Variants in ELN observed in about 807,000 individuals in gnomAD.
ELN encodes the protein elastin.
ELN carries 65 observed loss-of-function variants against 105.8 expected under a neutral mutation model. That is an observed-to-expected ratio of 0.61 (90% CI 0.50 to 0.75). ELN has a LOEUF of 0.75. ELN is among the 30% of genes least tolerant of loss of function. The pLI is 0.00. For synonymous variants in ELN, 368 were observed against 389.2 expected (o/e 0.95, Z 0.64); for missense variants, 882 against 969.4 (o/e 0.91, Z 1.20).
chr7:74,056,215 C>G, intron 19 of ELN, 56 bp from the exon 20 acceptor site: 1 of 1,609,466 alleles, frequency 6.2e-7, no homozygotes, highest in Non-Finnish European at 8.5e-7. Flanking sequence ...TCCCTCAGAG[C>G]CCGCCCAGCC....
chr7:74,054,827 T>A, intron 19 of ELN, 58 bp downstream of exon 19: 2 of 1,590,254 alleles, frequency 1.3e-6, no homozygotes, highest in African/African-American at 2.7e-5. Context: ...TTGCCAGAAC[T>A]AAAGGACCCT....
Position 74,054,783 on chromosome 7 carries a change from T to C in ELN, c.1150+14T>C. ...CAGCCAAATACGGTGAGTGCTATGC[T>C]GACAGCTCTGCCCCACCCTGTCCTG... On this transcript the variant is annotated intron_variant, in intron 19 of 32. Transcript: ENST00000252034. 1 of 1,613,876 alleles carries C rather than the reference T, an allele frequency of 6.2e-7. No homozygotes were observed. Among genetic ancestry groups the C allele is most frequent in the South Asian group, 1.1e-5 (1 of 91,054 alleles).
intron 5 of ELN, among the ~76,000 whole-genome samples, chr7:74,042,155 C>T (rs956175671): frequency 1.3e-4 from 20 of 151,786 alleles, no homozygotes; most frequent in Non-Finnish European, 2.9e-5. Flanking sequence ...CGCGGTGGCT[C>T]ACGCCTGTAA....
At position 74,060,426 on chromosome 7, in the gene ELN, G is replaced by C; in HGVS notation, c.1672G>C (p.Gly558Arg). 6.2e-7 allele frequency: 1 copy of C among 1,614,170 alleles called. No individual in the cohort carries two copies. The highest frequency in any genetic ancestry group is 8.5e-7 in the Non-Finnish European group (1 of 1,180,020). ...CATCCCTGGACTTGGAGTTGGTGTC[G>C]GCGTCCCTGGACTTGGAGTTGGTGC... is the stretch of plus-strand genomic sequence containing the variant. ...AGIPGLGVGV[G>R]VPGLGVGAGV... Residue 558 changes from glycine to arginine, a missense_variant, in exon 25 of 33, where the codon GGC becomes CGC. Coordinates refer to ENST00000252034, the MANE Select transcript of ELN (RefSeq NM_000501.4).
chr7:74,031,636 G>C (rs1013723374), intron 1 of ELN, among the ~76,000 whole-genome samples: 1 of 152,062 alleles, frequency 6.6e-6, no homozygotes, highest in African/African-American at 2.4e-5. Context: ...AGTAAATGGG[G>C]CCAGGTGCAG....
At position 74,054,764 on chromosome 7, in the gene ELN, A is replaced by G. The variant is rs782582399; in HGVS notation, c.1145A>G (p.Lys382Arg). The change falls in exon 19 of 33, where the codon AAA (lysine) becomes AGA (arginine). Residue 382 changes from lysine to arginine, a missense_variant. Physicochemically the swap from Lys to Arg is conservative, Grantham distance 26. Coordinates refer to ENST00000252034, the MANE Select transcript of ELN (RefSeq NM_000501.4). ...AAAKAAAKAA[K>R]YGARPGVGVG... ...GCTAAGGCAGCTGCAAAGGCAGCCA[A>G]ATACGGTGAGTGCTATGCTGACAGC... The G allele has an allele frequency of 6.2e-7, 1 of 1,613,976 alleles. No individual in the cohort carries two copies. Among genetic ancestry groups the G allele is most frequent in the Non-Finnish European group, 8.5e-7 (1 of 1,180,038 alleles).
intron 4 of ELN, 116 bp from the exon 5 acceptor site, chr7:74,041,100 G>A: frequency 7.4e-7 from 1 of 1,355,494 alleles, no homozygotes; most frequent in South Asian, 1.2e-5. Flanking sequence ...ACAGGCTTAG[G>A]GACCAGCCTA....
chr7:74,053,091 A>G (rs1029113109), intron 17 of ELN, 72 bp from the exon 18 acceptor site: 87 of 1,610,454 alleles, frequency 5.4e-5, no homozygotes, highest in Non-Finnish European at 7.0e-5. Flanking sequence ...TCACTTCCAT[A>G]CTCTACTAAC....
chr7:74,048,140 AGGCTATGGGCCC>A lies in ELN; in HGVS notation c.687_698del (p.Tyr230_Gly233del), dbSNP rs1563805230. 1 of 1,614,060 alleles carries A rather than the reference AGGCTATGGGCCC, an allele frequency of 6.2e-7. No homozygotes were observed. Among genetic ancestry groups the A allele is most frequent in the Non-Finnish European group, 8.5e-7 (1 of 1,179,956 alleles). ...TGACCATCAAGCCTCTCTGTTTTGCAGGCTATGGGCCCGGAGGAGTGGCTGGTGCAGCGGGCA... is the reference window on the plus strand; with the variant it reads ...TGACCATCAAGCCTCTCTGTTTTGCAGGAGGAGTGGCTGGTGCAGCGGGCA... On this transcript the variant is annotated splice_acceptor_variant and coding_sequence_variant, in exon 14 of 33. Coordinates refer to ENST00000252034, the MANE Select transcript of ELN (RefSeq NM_000501.4). LOFTEE classifies it high-confidence loss of function.
chr7:74,037,939 G>C, intron 4 of ELN, 200 bp downstream of exon 4: 1 of 692,666 alleles, frequency 1.4e-6, no homozygotes, highest in Non-Finnish European at 2.4e-6. Flanking sequence ...CCAGGAACAA[G>C]AGGCTGGAAG....
rs1168125036 is a variant in ELN at position 74,063,777 on chromosome 7, T to C, written c.1993+82T>C. 2.4e-5 allele frequency: 38 copies of C among 1,586,238 alleles called. No homozygotes were observed. Among genetic ancestry groups the C allele is most frequent in the Non-Finnish European group, 2.9e-5 (34 of 1,157,808 alleles). On this transcript the variant is annotated intron_variant, in intron 29 of 32. Transcript: ENST00000252034. The surrounding 1 kb of genome is among the most constrained non-coding windows in gnomAD (Gnocchi z 4.1). ...TGGAGACAGAGACAGAGACAGAGAC[T>C]TTCGTTCCCACCCCTGGCACGTCTT...
intron 11 of ELN, among the ~76,000 whole-genome samples, chr7:74,046,492 A>C (rs928612167): frequency 1.2e-4 from 19 of 152,250 alleles, no homozygotes; most frequent in Admixed American, 6.5e-5. Flanking sequence ...CAGGAGGGAG[A>C]GAATCCCGTA....
At chr7:74,046,392 C>G (rs543703877) in intron 11 of ELN, among the ~76,000 whole-genome samples, 175 bp downstream of exon 11, 8 of 152,256 alleles carry the variant, frequency 5.3e-5, no homozygotes, top group Admixed American at 2.0e-4. Context: ...CCTGCTCCCC[C>G]CACTGGCATA....
At chr7:74,051,335 A>G (rs1327191459) in intron 15 of ELN, among the ~76,000 whole-genome samples, 8 of 152,146 alleles carry the variant, frequency 5.3e-5, no homozygotes, top group African/African-American at 1.9e-4. Context: ...GCAATGTGGG[A>G]GCGGGAGAGC....
intron 29 of ELN, 108 bp from the exon 30 acceptor site, chr7:74,065,586 C>G: frequency 7.3e-7 from 1 of 1,376,072 alleles, no homozygotes; most frequent in Non-Finnish European, 1.0e-6. Context: ...TGCACTCCAG[C>G]CCAGGCGAAG....
Position 74,041,213 on chromosome 7 carries a change from C to T in ELN, c.197-3C>T, listed in dbSNP as rs374978230. 2 of 1,613,896 alleles carry T rather than the reference C, an allele frequency of 1.2e-6. No homozygotes were observed. The highest frequency in any genetic ancestry group is 1.7e-6 in the Non-Finnish European group (2 of 1,179,880). On this transcript the variant is annotated splice_region_variant and splice_polypyrimidine_tract_variant and intron_variant, in intron 4 of 32. Transcript: ENST00000252034. ...CACTCCTGTCTCTGTTTCTTATCCA[C>T]AGTTCCCGGAGGGCTTGCGGGTGCT...
Position 74,060,428 on chromosome 7 carries a change from C to T in ELN, c.1674C>T (p.Gly558=), listed in dbSNP as rs182784538. The T allele has an allele frequency of 2.3e-5, 37 of 1,614,106 alleles. No homozygotes were observed. Among genetic ancestry groups the T allele is most frequent in the East Asian group, 2.2e-4 (10 of 44,872 alleles). Residue 558 remains glycine (G), a synonymous_variant, in exon 25 of 33, where the codon GGC becomes GGT. Coordinates refer to ENST00000252034, the MANE Select transcript of ELN (RefSeq NM_000501.4). ...AGIPGLGVGV[G]VPGLGVGAGV... ...TCCCTGGACTTGGAGTTGGTGTCGG[C>T]GTCCCTGGACTTGGAGTTGGTGCTG... is the stretch of plus-strand genomic sequence containing the variant.
intron 18 of ELN, 59 bp from the exon 19 acceptor site, chr7:74,054,657 T>C: frequency 1.3e-6 from 2 of 1,555,708 alleles, no homozygotes; most frequent in Non-Finnish European, 8.9e-7. Context: ...GAGGGATACA[T>C]ACTACACAGC....
In ELN at chr7:74,060,494, C is replaced by T. The variant is rs781821519; in HGVS notation, c.1740C>T (p.Phe580=). 8.7e-6 allele frequency: 14 copies of T among 1,614,166 alleles called. No individual in the cohort carries two copies. Among genetic ancestry groups the T allele is most frequent in the East Asian group, 4.5e-5 (2 of 44,882 alleles). Residue 580 remains phenylalanine (F), a synonymous_variant, in exon 25 of 33, where the codon TTC becomes TTT. Coordinates refer to ENST00000252034, the MANE Select transcript of ELN (RefSeq NM_000501.4). ...GAGTTGGTGCTGGTGTTCCTGGCTT[C>T]GGGGCAGGTGCAGATGAGGGAGTTA... ...GLGVGAGVPG[F]GAVPGALAAA...
Sources: gnomAD v4.1 joint callset for allele counts (sites outside exome capture counted in the v4.1 genomes callset) on GRCh38, gnomAD v4.1.1 for gene constraint, Gnocchi (gnomAD v3.1) non-coding constraint, MANE v1.5 for transcripts, NCBI Gene and HGNC (gene_info 2026-07-23, HGNC 2026-07-21) for gene names.